EGF: variants seen among roughly 807,000 people sequenced by gnomAD.
EGF encodes the protein pro-epidermal growth factor.
A neutral mutation model predicts 143.8 loss-of-function variants in EGF; 95 were observed. The observed-to-expected ratio is 0.66, with a 90% CI of 0.56 to 0.78. EGF has a LOEUF of 0.78. Among genes scored for constraint, EGF ranks in the 30% least tolerant of loss-of-function variants. The pLI is 0.00. For synonymous variants in EGF, 510 were observed against 510.5 expected, an observed-to-expected ratio of 1.00 and a Z score of 0.01; for missense variants, 1,320 against 1,470.9, an observed-to-expected ratio of 0.90 and a Z score of 1.68.
rs11569085 is a variant in EGF, at chr4:109,994,460, A to T, written c.2858-273A>T. On this transcript the variant is annotated intron_variant, in intron 19 of 23. Coordinates refer to ENST00000265171, the MANE Select transcript of EGF (RefSeq NM_001963.6). ...TGTTTTTATGAGATCAGTGACTCTG[A>T]ATTCACATGGCGACTTAGGACTGGG... Among the ~76,000 whole-genome samples the T allele has an allele frequency of 1.9e-3, 287 of 152,300 alleles. 1 individual carries two copies. The highest frequency in any genetic ancestry group is 6.6e-3 in the African/African-American group (274 of 41,550).
intron 23 of EGF, among the ~76,000 whole-genome samples, chr4:110,010,792 G>A (rs186709790): frequency 2.1e-4 from 32 of 152,298 alleles, no homozygotes; most frequent in Non-Finnish European, 4.3e-4. Flanking sequence ...GGGGTGTGGT[G>A]TCTCATACCT....
rs370244204 is a variant in EGF, at chr4:109,945,285, C to T, written c.940+10C>T. The T allele has an allele frequency of 4.3e-6, 7 of 1,612,220 alleles. No homozygotes were observed. The highest frequency in any genetic ancestry group is 2.7e-5 in the African/African-American group (2 of 74,964). ...GACACTTGGGAGCCTGGTGAGTCAT[C>T]GTTGACCTTGCGCAGGGCCTGACAC... On this transcript the variant is annotated intron_variant, in intron 5 of 23. Coordinates refer to ENST00000265171, the MANE Select transcript of EGF (RefSeq NM_001963.6).
intron 11 of EGF, among the ~76,000 whole-genome samples, chr4:109,973,887 G>A (rs965342915): frequency 1.3e-5 from 2 of 152,102 alleles, no homozygotes; most frequent in African/African-American, 4.8e-5. Context: ...GTTATTTAAT[G>A]TAAAGATTAG....
chr4:109,974,065 T>A (rs1748089550), intron 11 of EGF, among the ~76,000 whole-genome samples: 1 of 152,206 alleles, frequency 6.6e-6, no homozygotes, highest in Non-Finnish European at 1.5e-5. Context: ...TGTATTTACA[T>A]AGCATTTACA....
At chr4:109,971,528 T>C (rs1228306465) in intron 11 of EGF, among the ~76,000 whole-genome samples, 2 of 152,120 alleles carry the variant, frequency 1.3e-5, no homozygotes, top group Admixed American at 6.5e-5. Flanking sequence ...GTTTGATTAA[T>C]AGCACCATGG....
intron 5 of EGF, 184 bp from the exon 6 acceptor site, chr4:109,959,128 C>T: frequency 1.2e-6 from 1 of 810,376 alleles, no homozygotes; most frequent in Non-Finnish European, 1.9e-6. Flanking sequence ...AGAAGTAATA[C>T]AATTGGAGAA....
At chr4:109,923,716 G>A (rs1738176118) in intron 1 of EGF, among the ~76,000 whole-genome samples, 1 of 151,554 alleles carries the variant, frequency 6.6e-6, no homozygotes, top group Admixed American at 6.6e-5. Flanking sequence ...GACTTCCTGA[G>A]CTCAGGTGAT....
chr4:109,933,984 T>C (rs1740293627), intron 1 of EGF, among the ~76,000 whole-genome samples: 1 of 152,226 alleles, frequency 6.6e-6, no homozygotes, highest in Admixed American at 6.5e-5. Context: ...TCTAGATCCT[T>C]GAGGAATTGC....
chr4:109,964,143 T>C (rs1746158408), intron 9 of EGF, among the ~76,000 whole-genome samples: 1 of 152,176 alleles, frequency 6.6e-6, no homozygotes, highest in South Asian at 2.1e-4. Context: ...TAACGCTGTC[T>C]CTTTCTGTAA....
At position 110,013,269 on chromosome 4, in the gene EGF, A is replaced by G. The variant is rs1017790601; in HGVS notation, c.*1814A>G. The stretch of plus-strand genomic sequence containing the variant: ...TTTTGGGTTTAGATTAAATTTTTGT[A>G]TTTTAGCACCTTTTTCTTTTAGGGG... On this transcript the variant is annotated 3_prime_UTR_variant, in exon 24 of 24. Transcript: ENST00000265171. 6.6e-6 allele frequency among the ~76,000 whole-genome samples: 1 copy of G among 152,052 alleles called. No homozygotes were observed. The highest frequency in any genetic ancestry group is 2.4e-5 in the African/African-American group (1 of 41,404).
chr4:109,943,207 G>T, intron 2 of EGF, 47 bp from the exon 3 acceptor site: 1 of 1,299,678 alleles, frequency 7.7e-7, no homozygotes. Context: ...TAATTTTGTT[G>T]TGAATGGGGG....
chr4:109,967,444 C>G (rs192276072), intron 10 of EGF, among the ~76,000 whole-genome samples: 1 of 152,096 alleles, frequency 6.6e-6, no homozygotes, highest in African/African-American at 2.4e-5. Flanking sequence ...GTTACTACAG[C>G]CTTATAGTAT....
chr4:109,986,691 C>T (rs1750167264), intron 16 of EGF, among the ~76,000 whole-genome samples: 1 of 151,866 alleles, frequency 6.6e-6, no homozygotes, highest in Non-Finnish European at 1.5e-5. Flanking sequence ...ATTCCCCCAA[C>T]TCCAAAAAGG....
At chr4:109,955,301 A>G (rs112293234) in intron 5 of EGF, among the ~76,000 whole-genome samples, 7 of 152,266 alleles carry the variant, frequency 4.6e-5, no homozygotes, top group South Asian at 2.1e-4. Context: ...TCTCAGAGGT[A>G]ATTAAGCCTC....
chr4:109,991,025 C>T (rs1216553340), intron 18 of EGF, among the ~76,000 whole-genome samples: 1 of 152,116 alleles, frequency 6.6e-6, no homozygotes, highest in African/African-American at 2.4e-5. Flanking sequence ...GTTGGGTTAC[C>T]TCTGCGGAAG....
chr4:109,935,258 C>A (rs1472205026), intron 1 of EGF, among the ~76,000 whole-genome samples: 1 of 152,012 alleles, frequency 6.6e-6, no homozygotes, highest in Non-Finnish European at 1.5e-5. Context: ...TTGTAGTTCT[C>A]CTTGAAGAGG....
At chr4:109,928,562 G>A (rs1739138852) in intron 1 of EGF, among the ~76,000 whole-genome samples, 1 of 152,058 alleles carries the variant, frequency 6.6e-6, no homozygotes, top group Non-Finnish European at 1.5e-5. Flanking sequence ...TGGGTCGGGG[G>A]AAAGGCCTAG....
chr4:109,924,955 A>G (rs1560631363), intron 1 of EGF, among the ~76,000 whole-genome samples: 3 of 152,248 alleles, frequency 2.0e-5, no homozygotes, highest in Admixed American at 1.3e-4. Context: ...TAGTGGTAAC[A>G]TGAAGCCATC....
intron 5 of EGF, among the ~76,000 whole-genome samples, chr4:109,948,636 A>G (rs1743268516): frequency 6.6e-6 from 1 of 151,986 alleles, no homozygotes; most frequent in African/African-American, 2.4e-5. Context: ...GGTGTGCATC[A>G]TCACACCTGG....
Sources: allele counts gnomAD v4.1 joint callset (sites outside exome capture counted in the v4.1 genomes callset), GRCh38; gene constraint gnomAD v4.1.1; transcripts MANE v1.5; gene names NCBI Gene and HGNC (gene_info 2026-07-23, HGNC 2026-07-21).